Variants in ADAMTS12 observed in about 807,000 individuals in gnomAD.
The protein encoded by ADAMTS12 is ADAM metallopeptidase with thrombospondin type 1 motif 12.
In ADAMTS12, 118 loss-of-function variants were observed where a neutral mutation model predicts 167.8. The observed-to-expected ratio is 0.70, with a 90% CI of 0.61 to 0.82. The LOEUF (loss-of-function observed/expected upper bound fraction) is 0.82. Among genes scored for constraint, ADAMTS12 ranks in the 40% least tolerant of loss-of-function variants. The pLI, the probability that ADAMTS12 is intolerant of heterozygous loss-of-function variation, is 0.00. For synonymous variants in ADAMTS12, 704 were observed against 716.9 expected, an observed-to-expected ratio of 0.98 and a Z score of 0.29; for missense variants, 1,916 against 1,998.8, an observed-to-expected ratio of 0.96 and a Z score of 0.79.
At chr5:33,883,327 GTTT>G (rs79064946) in intron 1 of ADAMTS12, among the ~76,000 whole-genome samples, 33,022 of 111,302 alleles carry the variant, frequency 0.3, 3,433 homozygotes, top group Admixed American at 0.37. Flanking sequence ...TTTTTTTTTT[GTTT>G]TTTTTTTTTT....
At chr5:33,664,689 C>T (rs1741404920) in intron 5 of ADAMTS12, among the ~76,000 whole-genome samples, 1 of 152,084 alleles carries the variant, frequency 6.6e-6, no homozygotes, top group Non-Finnish European at 1.5e-5. Context: ...AACCATTGTA[C>T]ACTGTTGGTG....
intron 2 of ADAMTS12, among the ~76,000 whole-genome samples, chr5:33,845,290 A>C (rs1748902605): frequency 6.6e-6 from 1 of 152,182 alleles, no homozygotes; most frequent in Non-Finnish European, 1.5e-5. Flanking sequence ...AGGTTCCCTG[A>C]AGAAATAACT....
chr5:33,792,678 G>T (rs1205124268), intron 2 of ADAMTS12, among the ~76,000 whole-genome samples: 1 of 152,194 alleles, frequency 6.6e-6, no homozygotes, highest in Admixed American at 6.5e-5. Context: ...CTGACACTTG[G>T]TTATCAGGCT....
chr5:33,875,649 G>C (rs779034093), intron 2 of ADAMTS12, among the ~76,000 whole-genome samples: 4 of 152,084 alleles, frequency 2.6e-5, no homozygotes, highest in African/African-American at 9.7e-5. Context: ...GAAAACTTCC[G>C]TGACTTGATA....
At chr5:33,796,173 A>G (rs942483761) in intron 2 of ADAMTS12, among the ~76,000 whole-genome samples, 1 of 152,204 alleles carries the variant, frequency 6.6e-6, no homozygotes, top group South Asian at 2.1e-4. Context: ...TGCCACTGCC[A>G]TCTTCTTCAC....
At chr5:33,628,017 G>T (rs1739742419) in intron 13 of ADAMTS12, among the ~76,000 whole-genome samples, 1 of 152,130 alleles carries the variant, frequency 6.6e-6, no homozygotes, top group Admixed American at 6.6e-5. Flanking sequence ...ATCAAAAAAG[G>T]GGTGTGATGG....
chr5:33,550,614 T>A (rs148148864), intron 20 of ADAMTS12, among the ~76,000 whole-genome samples: 3 of 152,190 alleles, frequency 2.0e-5, no homozygotes, highest in African/African-American at 4.8e-5. Context: ...AATGCCTCAT[T>A]TTCAATGGCA....
chr5:33,657,477 C>G (rs922348606), intron 7 of ADAMTS12, among the ~76,000 whole-genome samples: 1 of 152,300 alleles, frequency 6.6e-6, no homozygotes, highest in East Asian at 1.9e-4. Context: ...TACAAATAAG[C>G]TAAGAACTTT....
At chr5:33,774,448 T>C (rs1415221357) in intron 2 of ADAMTS12, among the ~76,000 whole-genome samples, 2 of 152,166 alleles carry the variant, frequency 1.3e-5, no homozygotes, top group African/African-American at 2.4e-5. Flanking sequence ...ATCAAAACTT[T>C]GAAATAATGC....
chr5:33,752,351 G>C (rs1049563019), intron 2 of ADAMTS12, among the ~76,000 whole-genome samples: 5 of 152,168 alleles, frequency 3.3e-5, no homozygotes, highest in African/African-American at 1.2e-4. Flanking sequence ...CTAAGTCTAT[G>C]AAACAAAGGA....
intron 19 of ADAMTS12, among the ~76,000 whole-genome samples, chr5:33,568,706 C>T (rs1024874677): frequency 1.3e-5 from 2 of 152,200 alleles, no homozygotes; most frequent in Admixed American, 6.5e-5. Flanking sequence ...TCTGAGGTAC[C>T]GGGTTCATCT....
At chr5:33,834,746 G>A (rs1395463264) in intron 2 of ADAMTS12, among the ~76,000 whole-genome samples, 1 of 152,196 alleles carries the variant, frequency 6.6e-6, no homozygotes, top group Non-Finnish European at 1.5e-5. Context: ...TAGTTTCCTG[G>A]AGGATTAGGA....
At position 33,540,405 on chromosome 5, in the gene ADAMTS12, C is replaced by T. The variant is rs181943034; in HGVS notation, c.4447-5413G>A. ...GCATAGCTGAACAAAAGGCAGCAGA[C>T]AACTTCTGCAGACTTAAACATCCCT... On this transcript the variant is annotated intron_variant, in intron 22 of 23. Transcript: ENST00000504830. Among the ~76,000 whole-genome samples the T allele has an allele frequency of 2.6e-5, 4 of 152,132 alleles. No homozygotes were observed. The East Asian group carries it at 7.7e-4, about 29-fold the overall frequency.
chr5:33,860,891 G>T (rs1368045667), intron 2 of ADAMTS12, among the ~76,000 whole-genome samples: 1 of 152,128 alleles, frequency 6.6e-6, no homozygotes, highest in African/African-American at 2.4e-5. Context: ...CATTCTTAAA[G>T]AAAAGAATTT....
At position 33,540,313 on chromosome 5, in the gene ADAMTS12, A is replaced by T. The variant is rs171759; in HGVS notation, c.4447-5321T>A. Among the ~76,000 whole-genome samples, 89 of 152,206 alleles carry T rather than the reference A, an allele frequency of 5.8e-4. 1 individual carries two copies. The highest frequency in any genetic ancestry group is 2.1e-3 in the African/African-American group (88 of 41,518). ...TAAACAAAGTGGCCAGGAAGCTCGA[A>T]CTGGGCGGAGCCCACCACAGCTCAG... On this transcript the variant is annotated intron_variant, in intron 22 of 23. Transcript: ENST00000504830.
intron 15 of ADAMTS12, 80 bp downstream of exon 15, chr5:33,615,748 C>T (rs2112097193): frequency 1.9e-6 from 3 of 1,562,318 alleles, no homozygotes; most frequent in Non-Finnish European, 2.6e-6. Context: ...ACTTAATGTC[C>T]CCTAGCAAGT....
intron 9 of ADAMTS12, among the ~76,000 whole-genome samples, chr5:33,645,299 A>C (rs1200465488): frequency 6.6e-6 from 1 of 151,776 alleles, no homozygotes; most frequent in African/African-American, 2.4e-5. Flanking sequence ...ATTTCCACAC[A>C]CCCCCCACTT....
intron 3 of ADAMTS12, among the ~76,000 whole-genome samples, chr5:33,730,326 G>GTC (rs1245166808): frequency 2.0e-5 from 3 of 150,598 alleles, no homozygotes; most frequent in Admixed American, 6.6e-5. Context: ...GTGTGTCTGT[G>GTC]TGTGTGTTTC....
intron 22 of ADAMTS12, among the ~76,000 whole-genome samples, chr5:33,540,646 A>G (rs1744650705): frequency 6.6e-6 from 1 of 152,228 alleles, no homozygotes; most frequent in African/African-American, 2.4e-5. Context: ...CTCTTCTGCA[A>G]TATTTGCTGC....
Sources: allele counts gnomAD v4.1 joint callset (sites outside exome capture counted in the v4.1 genomes callset), GRCh38; gene constraint gnomAD v4.1.1; transcripts MANE v1.5; gene names NCBI Gene and HGNC (gene_info 2026-07-23, HGNC 2026-07-21).